The following NEBL variants were observed in gnomAD, a reference collection of about 807,000 sequenced individuals.
The protein encoded by NEBL is nebulette, also known as LIM and SH3 protein 2.
NEBL carries 122 observed loss-of-function variants against 140.2 expected under a neutral mutation model. That is an observed-to-expected ratio of 0.87 (90% CI 0.75 to 1.01). NEBL has a LOEUF of 1.01. Among genes scored for constraint, NEBL ranks in the 50% least tolerant of loss-of-function variants. The pLI, the probability that NEBL is intolerant of heterozygous loss-of-function variation, is 0.00. For missense variants in NEBL, 1,365 were observed against 1,231.3 expected (o/e 1.11, Z -1.62); for synonymous variants, 436 against 398.9 (o/e 1.09, Z -1.11).
chr10:20,889,864 A>T lies in NEBL; in HGVS notation c.239T>A (p.Ile80Asn), dbSNP rs757784503. The T allele has an allele frequency of 1.9e-6, 3 of 1,611,608 alleles. No homozygotes were observed. The highest frequency in any genetic ancestry group is 1.3e-5 in the African/African-American group (1 of 74,878). The change falls in exon 3 of 28, where the codon ATC (isoleucine) becomes AAC (asparagine). Residue 80 changes from isoleucine to asparagine, a missense_variant. Physicochemically the swap from Ile to Asn is moderately radical, Grantham distance 149. Around this residue, in one of 2 missense-constraint regions of NEBL, gnomAD observed 1,323 missense variants for 1,154.8 expected, o/e 1.15. Transcript: ENST00000377122. ...DSPMLNHVKN[I>N]GAFISEAKYK... ...CCTTACCTCAGAAATAAAAGCACCG[A>T]TATTTTTTACATGGTTTAGCATAGG... is the stretch of plus-strand genomic sequence containing the variant.
intron 5 of NEBL, among the ~76,000 whole-genome samples, chr10:20,876,906 A>G (rs1036203740): frequency 6.6e-6 from 1 of 152,208 alleles, no homozygotes; most frequent in Non-Finnish European, 1.5e-5. Flanking sequence ...TGGCAGGGGT[A>G]TGTCCCTTAA....
intron 3 of NEBL, among the ~76,000 whole-genome samples, chr10:21,195,962 T>G (rs1257518860): frequency 6.6e-6 from 1 of 152,192 alleles, no homozygotes; most frequent in East Asian, 1.9e-4. Flanking sequence ...GAGTTTTGTT[T>G]GTTTGTGTCA....
chr10:20,970,742 C>T (rs1410840643), intron 3 of NEBL, among the ~76,000 whole-genome samples: 1 of 151,996 alleles, frequency 6.6e-6, no homozygotes, highest in Non-Finnish European at 1.5e-5. Context: ...CAGGTATGCA[C>T]GTTAAGGTCC....
rs1174476323 is a variant in NEBL at position 21,173,532 on chromosome 10, C to T, written c.69+233G>A. Among the ~76,000 whole-genome samples, 1 of 152,196 alleles carries T rather than the reference C, an allele frequency of 6.6e-6. No individual in the cohort carries two copies. The highest frequency in any genetic ancestry group is 1.9e-4 in the East Asian group (1 of 5,170). On this transcript the variant is annotated intron_variant, in intron 1 of 6. Coordinates refer to the NEBL transcript ENST00000417816. The surrounding 1 kb of genome is among the most constrained non-coding windows in gnomAD (Gnocchi z 5.7). ...CCCTCCGCAGAGGCTCTGCCGATGT[C>T]GCACCGCCCCGCACCGCGACAAAAG...
At chr10:21,131,061 A>T (rs1042534123) in intron 2 of NEBL, among the ~76,000 whole-genome samples, 1 of 152,184 alleles carries the variant, frequency 6.6e-6, no homozygotes, top group Non-Finnish European at 1.5e-5. Flanking sequence ...AGGGGCCATC[A>T]TTACAGATGC....
At chr10:21,278,914 C>G (rs972556013) in intron 1 of NEBL, among the ~76,000 whole-genome samples, 1 of 152,074 alleles carries the variant, frequency 6.6e-6, no homozygotes, top group Non-Finnish European at 1.5e-5. Context: ...GGCGCTATAC[C>G]CCTTGTATTG....
chr10:21,069,510 G>A (rs750361923), intron 2 of NEBL, among the ~76,000 whole-genome samples: 14 of 152,214 alleles, frequency 9.2e-5, no homozygotes, highest in Non-Finnish European at 1.8e-4. Context: ...CCCGCCAGGA[G>A]AATCACTCTC....
intron 2 of NEBL, among the ~76,000 whole-genome samples, chr10:21,027,752 C>G (rs771774634): frequency 3.3e-5 from 5 of 152,138 alleles, no homozygotes; most frequent in Non-Finnish European, 7.4e-5. Flanking sequence ...ATCTTTCACA[C>G]TCTGATTTTA....
chr10:20,993,604 A>T (rs1049037913), intron 3 of NEBL, among the ~76,000 whole-genome samples: 8 of 152,086 alleles, frequency 5.3e-5, no homozygotes, highest in African/African-American at 1.9e-4. Flanking sequence ...TGTTCTCACA[A>T]TGGGTTGCAG....
At chr10:21,007,338 A>G (rs930436667) in intron 3 of NEBL, among the ~76,000 whole-genome samples, 2 of 152,232 alleles carry the variant, frequency 1.3e-5, no homozygotes, top group African/African-American at 2.4e-5. Flanking sequence ...TATACAGATA[A>G]GTTACAGGAA....
At chr10:21,043,109 A>C (rs1457180053) in intron 2 of NEBL, among the ~76,000 whole-genome samples, 1 of 152,236 alleles carries the variant, frequency 6.6e-6, no homozygotes, top group East Asian at 1.9e-4. Flanking sequence ...ATCTGACAGA[A>C]GTAGGCCTTT....
intron 2 of NEBL, among the ~76,000 whole-genome samples, chr10:21,166,247 AAAAGAAAAAAAAAT>A (rs1193392676): frequency 0.034 from 3,407 of 100,578 alleles, 442 homozygotes; most frequent in African/African-American, 0.15. Context: ...AAAAAAAAAG[AAAAGAAAAAAAAAT>A]TTTCTACATC....
chr10:21,166,251 GA>G (rs1423811230), intron 2 of NEBL, among the ~76,000 whole-genome samples: 3 of 65,112 alleles, frequency 4.6e-5, no homozygotes, highest in African/African-American at 1.9e-4. Flanking sequence ...AAAAAGAAAA[GA>G]AAAAAAAATT....
chr10:21,129,879 G>A lies in NEBL; in HGVS notation c.164+42504C>T, dbSNP rs1839019408. Among the ~76,000 whole-genome samples, 3 of 152,176 alleles carry A rather than the reference G, an allele frequency of 2.0e-5. No individual in the cohort carries two copies. In the South Asian group the frequency reaches 6.2e-4, roughly 31 times the overall value. ...ATTTAAAATAGTAATAAATACGGCA[G>A]ATATTAACCCAATTATATCAATAAT... is the stretch of plus-strand genomic sequence containing the variant. On this transcript the variant is annotated intron_variant, in intron 2 of 6. Coordinates refer to the NEBL transcript ENST00000417816.
intron 26 of NEBL, 141 bp downstream of exon 26, chr10:20,808,364 ACTATT>A: frequency 1.2e-6 from 1 of 822,290 alleles, no homozygotes; most frequent in South Asian, 1.8e-5. Flanking sequence ...AAAAAAAAAG[ACTATT>A]AACTTTCTGA....
At chr10:21,054,168 T>C (rs915371205) in intron 2 of NEBL, among the ~76,000 whole-genome samples, 1 of 152,196 alleles carries the variant, frequency 6.6e-6, no homozygotes, top group Non-Finnish European at 1.5e-5. Context: ...ACTCATCAAA[T>C]AGTGCTGTGA....
At chr10:20,885,307 T>C (rs1032842309) in intron 4 of NEBL, among the ~76,000 whole-genome samples, 1 of 152,228 alleles carries the variant, frequency 6.6e-6, no homozygotes, top group Admixed American at 6.5e-5. Flanking sequence ...ATAAAATCGA[T>C]GTACGTAAAT....
intron 3 of NEBL, among the ~76,000 whole-genome samples, chr10:20,993,373 A>C (rs1028106593): frequency 1.3e-5 from 2 of 152,214 alleles, no homozygotes; most frequent in African/African-American, 4.8e-5. Flanking sequence ...AATCCAAATG[A>C]AAATCTTACA....
rs1835039215 is a variant in NEBL at position 21,056,712 on chromosome 10, T to A, written c.165-36511A>T. 1.3e-5 allele frequency among the ~76,000 whole-genome samples: 2 copies of A among 152,224 alleles called. 1 individual carries two copies. The highest frequency in any genetic ancestry group is 4.8e-5 in the African/African-American group (2 of 41,456). ...AGTGAAATTGACAGCAGTGATGGAT[T>A]GCAACATTAAAGCTGTATGGATGCA... On this transcript the variant is annotated intron_variant, in intron 2 of 6. Coordinates refer to the NEBL transcript ENST00000417816.
Sources: gnomAD v4.1 joint callset for allele counts (sites outside exome capture counted in the v4.1 genomes callset) on GRCh38, gnomAD v4.1.1 for gene constraint, gnomAD v4.1.1 regional missense constraint, Gnocchi (gnomAD v3.1) non-coding constraint, MANE v1.5 for transcripts, NCBI Gene and HGNC (gene_info 2026-07-23, HGNC 2026-07-21) for gene names.